Variants in MCF2 observed in about 807,000 individuals in gnomAD.
MCF2 encodes the protein proto-oncogene DBL.
Under a neutral mutation model 82.5 loss-of-function variants are expected in MCF2, and 44 were observed. The observed-to-expected ratio is 0.53, with a 90% CI of 0.42 to 0.69. The LOEUF (loss-of-function observed/expected upper bound fraction) is 0.69, where lower values mean the gene tolerates loss of function less well. Ranked by LOEUF, MCF2 falls within the 30% of genes least tolerant of loss-of-function variation. MCF2 has a pLI of 0.00. For synonymous variants in MCF2, 217 were observed against 224.9 expected (o/e 0.96, Z 0.32); for missense variants, 623 against 663.1 (o/e 0.94, Z 0.66).
At chrX:139,588,306 G>T in intron 21 of MCF2, 54 bp downstream of exon 25, 2 of 919,166 alleles carry the variant, frequency 2.2e-6, no homozygotes, top group East Asian at 3.1e-5. Context: ...AAAAATCTGA[G>T]TCAATAAGCT....
rs754586117 is a variant in MCF2 at position 139,677,757 on chromosome X, C to T, written c.-44-25969G>A. Among the ~76,000 whole-genome samples, 9 of 112,034 alleles carry T rather than the reference C, an allele frequency of 8.0e-5. No individual in the cohort carries two copies. The South Asian group carries it at 2.6e-3, about 32-fold the overall frequency. ...ATCATATTTGAATCTAAACATTGAACGTCTAAGTTTGAAAAACATGGAGGA... is the reference window on the plus strand; with the variant it reads ...ATCATATTTGAATCTAAACATTGAATGTCTAAGTTTGAAAAACATGGAGGA... On this transcript the variant is annotated intron_variant, in intron 1 of 27. Coordinates refer to the MCF2 transcript ENST00000414978.
exon 18 of MCF2, chrX:139,597,535 C>T: frequency 1.7e-6 from 2 of 1,183,604 alleles, no homozygotes; most frequent in Non-Finnish European, 2.3e-6. Flanking sequence ...CATCGAGTGC[C>T]TTCTTCAACA....
intron 1 of MCF2, among the ~76,000 whole-genome samples, chrX:139,687,087 C>A (rs889989627): frequency 9.0e-6 from 1 of 110,506 alleles, no homozygotes; most frequent in African/African-American, 3.3e-5. Flanking sequence ...CATATGCAAA[C>A]ACTCACTCTG....
chrX:139,641,498 T>C (rs955356805), intron 1 of MCF2, among the ~76,000 whole-genome samples: 1 of 111,302 alleles, frequency 9.0e-6, no homozygotes, highest in African/African-American at 3.3e-5. Context: ...CATTCAACAA[T>C]AATAAAAGTC....
At chrX:139,645,458 C>T, upstream of MCF2, 1 of 413,912 alleles carries the variant, frequency 2.4e-6, no homozygotes, top group Non-Finnish European at 4.2e-6. Context: ...CCTCACATTC[C>T]ATCAATTTTT....
chrX:139,593,810 T>G (rs1929760005), intron 19 of MCF2, among the ~76,000 whole-genome samples: 1 of 110,385 alleles, frequency 9.1e-6, no homozygotes, highest in Non-Finnish European at 1.9e-5. Context: ...AATAGAAATA[T>G]TATATCTAGA....
At chrX:139,617,775 A>G in intron 7 of MCF2, 71 bp from the exon 11 acceptor site, 2 of 659,498 alleles carry the variant, frequency 3.0e-6, no homozygotes, top group Non-Finnish European at 4.2e-6. Context: ...AGAAGAAAAT[A>G]ATTAAGAAGC....
chrX:139,672,743 C>T (rs758799627), intron 1 of MCF2, among the ~76,000 whole-genome samples: 1 of 111,968 alleles, frequency 8.9e-6, no homozygotes, highest in Non-Finnish European at 1.9e-5. Context: ...ATTTTCACAT[C>T]GATATTCATC....
chrX:139,655,770 T>C (rs1416703141), intron 1 of MCF2, among the ~76,000 whole-genome samples: 1 of 111,405 alleles, frequency 9.0e-6, no homozygotes, highest in African/African-American at 3.3e-5. Context: ...TGATGGAGTC[T>C]TTAGGTTTTT....
intron 1 of MCF2, among the ~76,000 whole-genome samples, chrX:139,661,147 C>A (rs1000406113): frequency 9.0e-6 from 1 of 111,468 alleles, no homozygotes; most frequent in East Asian, 2.8e-4. Flanking sequence ...GACAGGGGAA[C>A]AGAGAATGTC....
chrX:139,701,706 A>T (rs777078787), intron 1 of MCF2, among the ~76,000 whole-genome samples: 1 of 112,689 alleles, frequency 8.9e-6, no homozygotes, highest in East Asian at 2.8e-4. Context: ...CTGTCAATAG[A>T]TTATACAGGC....
At position 139,663,817 on chromosome X, in the gene MCF2, T is replaced by C. The variant is rs148413999; in HGVS notation, c.-44-12029A>G. Among the ~76,000 whole-genome samples the C allele has an allele frequency of 8.0e-3, 881 of 110,758 alleles. 7 individuals carry two copies. The highest frequency in any genetic ancestry group is 0.027 in the African/African-American group (807 of 30,410). On this transcript the variant is annotated intron_variant, in intron 1 of 27. Transcript: ENST00000414978. ...AGTCTATATCTCTCTTTAGATCTAG[T>C]AATATTGGCTTTATGGTCCTGGGTG...
intron 1 of MCF2, among the ~76,000 whole-genome samples, chrX:139,666,588 C>T (rs1458704799): frequency 1.8e-5 from 2 of 111,275 alleles, no homozygotes; most frequent in Non-Finnish European, 3.8e-5. Context: ...TAGTCTGATG[C>T]AGTTTCTTTT....
At chrX:139,588,756 C>CTAATAA (rs1489289628) in intron 20 of MCF2, among the ~76,000 whole-genome samples, 2 of 107,291 alleles carry the variant, frequency 1.9e-5, no homozygotes, top group East Asian at 5.9e-4. Flanking sequence ...ACTACTACTA[C>CTAATAA]TACTACTAAT....
intron 3 of MCF2, among the ~76,000 whole-genome samples, chrX:139,630,754 CAT>C (rs1308202528): frequency 8.9e-6 from 1 of 111,943 alleles, no homozygotes; most frequent in African/African-American, 3.2e-5. Flanking sequence ...TCAAGATACT[CAT>C]ATACCACAGA....
chrX:139,645,865 G>A (rs1933784902), upstream of MCF2, among the ~76,000 whole-genome samples: 1 of 111,470 alleles, frequency 9.0e-6, no homozygotes, highest in Non-Finnish European at 1.9e-5. Flanking sequence ...TTCTTTTGCA[G>A]CATTAATGTC....
intron 1 of MCF2, 117 bp from the exon 5 acceptor site, chrX:139,632,571 T>A: frequency 1.9e-6 from 1 of 525,053 alleles, no homozygotes; most frequent in South Asian, 4.9e-5. Context: ...TAAAAGCCAG[T>A]AAAAGGCCAA....
Position 139,586,369 on chromosome X carries a change from GAC to G in MCF2, c.2632+7_2632+8del, listed in dbSNP as rs759060270. 46 of 1,169,414 alleles carry G rather than the reference GAC, an allele frequency of 3.9e-5. 1 individual carries two copies. The highest frequency in any genetic ancestry group is 3.3e-4 in the Admixed American group (15 of 45,467). On this transcript the variant is annotated splice_region_variant and intron_variant, in intron 23 of 24. Coordinates refer to ENST00000370576, the Ensembl canonical transcript of MCF2. The stretch of plus-strand genomic sequence containing the variant: ...ATGAGTCTCGTCTTAAGATGACCAT[GAC>G]ACATACCTGTATTTGCTTCTGCCTG...
intron 1 of MCF2, among the ~76,000 whole-genome samples, chrX:139,696,351 C>T (rs560185385): frequency 1.1e-5 from 1 of 87,439 alleles, no homozygotes; most frequent in African/African-American, 6.1e-5. Flanking sequence ...TCTCTCCTCT[C>T]CTCTCCTCTC....
Sources: gnomAD v4.1 joint callset for allele counts (sites outside exome capture counted in the v4.1 genomes callset) on GRCh38, gnomAD v4.1.1 for gene constraint, MANE v1.5 for transcripts, NCBI Gene and HGNC (gene_info 2026-07-23, HGNC 2026-07-21) for gene names.